The following DOK6 variants were observed in gnomAD, a reference collection of about 807,000 sequenced individuals.
The protein encoded by DOK6 is downstream of tyrosine kinase 6.
A neutral mutation model predicts 44.0 loss-of-function variants in DOK6; 22 were observed. That is an observed-to-expected ratio of 0.50 (90% confidence interval 0.36 to 0.71). DOK6 has a LOEUF of 0.71. Among genes scored for constraint, DOK6 ranks in the 30% least tolerant of loss-of-function variants. DOK6 has a pLI of 0.00. For missense variants in DOK6, 340 were observed against 416.4 expected (o/e 0.82, Z 1.60); for synonymous variants, 166 against 145.5 (o/e 1.14, Z -1.01).
chr18:69,772,145 G>A (rs971900909), intron 7 of DOK6, among the ~76,000 whole-genome samples: 4 of 151,846 alleles, frequency 2.6e-5, no homozygotes, highest in Admixed American at 2.0e-4. Flanking sequence ...ACTCGAGTCT[G>A]GGTGACAGAA....
At chr18:69,673,934 T>C (rs570705115) in intron 3 of DOK6, among the ~76,000 whole-genome samples, 3 of 152,170 alleles carry the variant, frequency 2.0e-5, no homozygotes, top group African/African-American at 4.8e-5. Context: ...ACTAAAAAGT[T>C]TGAAAGATAA....
chr18:69,809,868 T>C (rs892481283), intron 7 of DOK6, among the ~76,000 whole-genome samples: 3 of 151,988 alleles, frequency 2.0e-5, no homozygotes, highest in Non-Finnish European at 4.4e-5. Context: ...CCTGTGTTTA[T>C]GGATTGGAGG....
intron 1 of DOK6, among the ~76,000 whole-genome samples, chr18:69,518,698 GAAAACA>G (rs1278432125): frequency 6.6e-6 from 1 of 151,778 alleles, no homozygotes; most frequent in Non-Finnish European, 1.5e-5. Flanking sequence ...TGGCTAAAGA[GAAAACA>G]AAAACAGAAA....
intron 1 of DOK6, among the ~76,000 whole-genome samples, chr18:69,519,294 T>A (rs1301692334): frequency 6.6e-6 from 1 of 151,892 alleles, no homozygotes; most frequent in African/African-American, 2.4e-5. Flanking sequence ...TTTAGTAATT[T>A]ATAGTGAAGA....
intron 7 of DOK6, among the ~76,000 whole-genome samples, chr18:69,797,702 G>A (rs1396854745): frequency 6.6e-6 from 1 of 151,698 alleles, no homozygotes; most frequent in Admixed American, 6.6e-5. Context: ...TCTATTTGAT[G>A]TTACAGATAA....
intron 3 of DOK6, among the ~76,000 whole-genome samples, chr18:69,601,008 A>G (rs956391937): frequency 3.9e-5 from 6 of 152,212 alleles, no homozygotes; most frequent in Admixed American, 6.5e-5. Context: ...TTTGATTTAC[A>G]TCATTATAAT....
chr18:69,780,405 A>C lies in DOK6; in HGVS notation c.856+22532A>C, dbSNP rs559905985. Reference sequence around the variant, plus strand: ...TCAGGAGTTCAAGACCAGCCTGGCCAACATGGTGAAACCCTGTCTCTACTG... The same window carrying C: ...TCAGGAGTTCAAGACCAGCCTGGCCCACATGGTGAAACCCTGTCTCTACTG... On this transcript the variant is annotated intron_variant, in intron 7 of 7. Coordinates refer to ENST00000382713, the MANE Select transcript of DOK6 (RefSeq NM_152721.6). Among the ~76,000 whole-genome samples the C allele has an allele frequency of 2.6e-5, 4 of 152,296 alleles. No homozygotes were observed. The East Asian group carries it at 7.7e-4, about 29-fold the overall frequency.
At chr18:69,507,217 G>C (rs367857426) in intron 1 of DOK6, among the ~76,000 whole-genome samples, 37 of 151,902 alleles carry the variant, frequency 2.4e-4, no homozygotes, top group East Asian at 1.2e-3. Flanking sequence ...TCAGTAGAGA[G>C]GGGGTTTCAC....
At position 69,440,827 on chromosome 18, in the gene DOK6, C is replaced by T. The variant is rs574493320; in HGVS notation, c.66+39517C>T. 4.5e-4 allele frequency among the ~76,000 whole-genome samples: 68 copies of T among 151,878 alleles called. 1 individual carries two copies. In the South Asian group the frequency reaches 0.013, roughly 29 times the overall value. ...GAACATGAAACAAAAAAATAATGGT[C>T]GATTTATGTAGAACTGTGATCCTGG... On this transcript the variant is annotated intron_variant, in intron 1 of 7. Coordinates refer to ENST00000382713, the MANE Select transcript of DOK6 (RefSeq NM_152721.6).
In DOK6 at chr18:69,791,292, T is replaced by G. The variant is rs1023517061; in HGVS notation, c.856+33419T>G. Among the ~76,000 whole-genome samples the G allele has an allele frequency of 9.2e-5, 14 of 152,322 alleles. No homozygotes were observed. In the South Asian group the frequency reaches 2.9e-3, roughly 32 times the overall value. On this transcript the variant is annotated intron_variant, in intron 7 of 7. Transcript: ENST00000382713. ...CTAGTGGTGGGATTGCTGGATCATG[T>G]GGTAGCTCTACTTTTGGTTCTTTGA...
At chr18:69,731,288 A>T (rs765554485) in intron 5 of DOK6, among the ~76,000 whole-genome samples, 1 of 151,914 alleles carries the variant, frequency 6.6e-6, no homozygotes, top group Non-Finnish European at 1.5e-5. Context: ...GATAATGGTA[A>T]CTATTTATGT....
chr18:69,652,133 C>A (rs1340389454), intron 3 of DOK6, among the ~76,000 whole-genome samples: 2 of 152,088 alleles, frequency 1.3e-5, no homozygotes, highest in Non-Finnish European at 2.9e-5. Context: ...TCTTTCATTA[C>A]CAAGGAGCAA....
intron 3 of DOK6, among the ~76,000 whole-genome samples, chr18:69,615,493 G>A (rs955071062): frequency 1.3e-5 from 2 of 152,220 alleles, no homozygotes; most frequent in Non-Finnish European, 2.9e-5. Context: ...CCTGCTAAGA[G>A]ATGTGGAAGA....
intron 7 of DOK6, among the ~76,000 whole-genome samples, chr18:69,827,122 T>C (rs1336027840): frequency 6.6e-6 from 1 of 152,162 alleles, no homozygotes; most frequent in African/African-American, 2.4e-5. Flanking sequence ...TCCCATTGAA[T>C]GAGCTTCCAA....
At chr18:69,530,470 C>G (rs1340648897) in intron 1 of DOK6, among the ~76,000 whole-genome samples, 1 of 151,986 alleles carries the variant, frequency 6.6e-6, no homozygotes, top group Non-Finnish European at 1.5e-5. Flanking sequence ...AGCAGATATG[C>G]TTTCAGTGAT....
At chr18:69,784,349 C>T (rs1980368843) in intron 7 of DOK6, among the ~76,000 whole-genome samples, 1 of 151,814 alleles carries the variant, frequency 6.6e-6, no homozygotes, top group Non-Finnish European at 1.5e-5. Flanking sequence ...GAAATATGGA[C>T]TTATCTTTAA....
intron 1 of DOK6, among the ~76,000 whole-genome samples, chr18:69,526,497 G>A (rs1245123737): frequency 1.3e-5 from 2 of 152,054 alleles, no homozygotes; most frequent in East Asian, 3.8e-4. Flanking sequence ...ATCAGATTAT[G>A]GACATGTGAA....
At chr18:69,701,044 A>G (rs1187894741) in intron 5 of DOK6, among the ~76,000 whole-genome samples, 1 of 152,268 alleles carries the variant, frequency 6.6e-6, no homozygotes, top group African/African-American at 2.4e-5. Context: ...ATGTCAAAAT[A>G]CTTTTTTCAT....
intron 1 of DOK6, among the ~76,000 whole-genome samples, chr18:69,489,225 A>G (rs1980669028): frequency 1.3e-5 from 2 of 152,166 alleles, no homozygotes; most frequent in Admixed American, 6.5e-5. Context: ...CTGAATCCCA[A>G]CTTTTCAAAA....
Sources: allele counts gnomAD v4.1 joint callset (sites outside exome capture counted in the v4.1 genomes callset), GRCh38; gene constraint gnomAD v4.1.1; transcripts MANE v1.5; gene names NCBI Gene and HGNC (gene_info 2026-07-23, HGNC 2026-07-21).